MAPRE3: variants seen among roughly 807,000 people sequenced by gnomAD.
MAPRE3 encodes microtubule associated protein RP/EB family member 3.
In MAPRE3, 2 loss-of-function variants were observed where a neutral mutation model predicts 30.5. The observed-to-expected ratio is 0.07, with a 90% confidence interval of 0.03 to 0.21. The LOEUF (loss-of-function observed/expected upper bound fraction) is 0.21. Among genes scored for constraint, MAPRE3 ranks in the 10% least tolerant of loss-of-function variants. The pLI, the probability that MAPRE3 is intolerant of heterozygous loss-of-function variation, is 1.00. For missense variants in MAPRE3, 204 were observed against 351.8 expected, an observed-to-expected ratio of 0.58 and a Z score of 3.36; for synonymous variants, 110 against 127.7, an observed-to-expected ratio of 0.86 and a Z score of 0.93.
intron 1 of MAPRE3, among the ~76,000 whole-genome samples, chr2:26,995,823 G>GTGTGTGTGTGTGTGTGTGTA (rs1200785865): frequency 1.3e-5 from 2 of 150,166 alleles, no homozygotes; most frequent in Non-Finnish European, 3.0e-5. Flanking sequence ...GTGTGTGTGT[G>GTGTGTGTGTGTGTGTGTGTA]TGTGTGTATG....
chr2:27,000,109 A>C (rs1666559403), intron 1 of MAPRE3, among the ~76,000 whole-genome samples: 1 of 152,256 alleles, frequency 6.6e-6, no homozygotes. Flanking sequence ...TGCTAATAAC[A>C]AATTTCCACT....
intron 3 of MAPRE3, 147 bp from the exon 4 acceptor site, chr2:27,023,949 T>A (rs1667170773): frequency 1.6e-6 from 1 of 630,732 alleles, no homozygotes; most frequent in Non-Finnish European, 2.8e-6. Flanking sequence ...CTGTCTGCTC[T>A]GGTGCCGTGG....
intron 1 of MAPRE3, among the ~76,000 whole-genome samples, chr2:26,982,260 A>G (rs1338673382): frequency 6.6e-6 from 1 of 152,120 alleles, no homozygotes; most frequent in Non-Finnish European, 1.5e-5. Flanking sequence ...GATTCACATT[A>G]CTTTCATGCT....
intron 1 of MAPRE3, among the ~76,000 whole-genome samples, chr2:27,020,889 C>G (rs1399600722): frequency 6.6e-6 from 1 of 152,156 alleles, no homozygotes; most frequent in East Asian, 1.9e-4. Flanking sequence ...TAGGAGGCTC[C>G]TGCTAGCCTG....
At chr2:26,975,461 G>T (rs944234180) in intron 1 of MAPRE3, among the ~76,000 whole-genome samples, 3 of 152,140 alleles carry the variant, frequency 2.0e-5, no homozygotes, top group Non-Finnish European at 4.4e-5. Flanking sequence ...AGTAATTAAA[G>T]AACCAGGGCA....
chr2:26,989,037 G>T (rs1319272582), intron 1 of MAPRE3, among the ~76,000 whole-genome samples: 3 of 152,176 alleles, frequency 2.0e-5, no homozygotes, highest in Non-Finnish European at 4.4e-5. Context: ...CATTCTTGCT[G>T]CCCGACAGGT....
chr2:26,975,980 A>G (rs766692962), intron 1 of MAPRE3, among the ~76,000 whole-genome samples: 1 of 152,134 alleles, frequency 6.6e-6, no homozygotes, highest in Non-Finnish European at 1.5e-5. Flanking sequence ...AGTCCCCTCC[A>G]TCTGTTGACC....
chr2:26,981,857 C>T (rs1031764412), intron 1 of MAPRE3, among the ~76,000 whole-genome samples: 1 of 152,224 alleles, frequency 6.6e-6, no homozygotes, highest in Admixed American at 6.5e-5. Context: ...CCAGGCTTGA[C>T]AGTCGACTCT....
At chr2:26,991,666 T>C (rs1666346126) in intron 1 of MAPRE3, among the ~76,000 whole-genome samples, 1 of 152,208 alleles carries the variant, frequency 6.6e-6, no homozygotes, top group South Asian at 2.1e-4. Context: ...TCACACAGTT[T>C]ATCTCCTTTC....
chr2:27,018,781 A>G (rs1558385858), intron 1 of MAPRE3, among the ~76,000 whole-genome samples: 1 of 152,122 alleles, frequency 6.6e-6, no homozygotes, highest in African/African-American at 2.4e-5. Flanking sequence ...CACTCCACCA[A>G]TATGGTTAGG....
intron 1 of MAPRE3, among the ~76,000 whole-genome samples, chr2:27,014,327 T>G (rs1031376538): frequency 2.0e-5 from 3 of 152,160 alleles, no homozygotes; most frequent in Non-Finnish European, 4.4e-5. Context: ...GCTACAGGGA[T>G]GTGGCACCAT....
intron 1 of MAPRE3, among the ~76,000 whole-genome samples, chr2:26,979,932 C>T (rs555287534): frequency 2.6e-5 from 4 of 152,164 alleles, no homozygotes; most frequent in Middle Eastern, 3.4e-3. Flanking sequence ...CTCATAGAAC[C>T]GGAAGCTGAG....
intron 1 of MAPRE3, among the ~76,000 whole-genome samples, chr2:26,976,914 T>C (rs1019633879): frequency 6.6e-6 from 1 of 152,210 alleles, no homozygotes; most frequent in Non-Finnish European, 1.5e-5. Context: ...ACAGAAATAA[T>C]TGTAAAAGAT....
intron 4 of MAPRE3, among the ~76,000 whole-genome samples, chr2:27,025,274 A>G (rs1040481083): frequency 6.6e-6 from 1 of 151,974 alleles, no homozygotes; most frequent in African/African-American, 2.4e-5. Context: ...TACTTCCCCA[A>G]ATTTGCGTCC....
chr2:27,006,058 T>G (rs1001886266), intron 1 of MAPRE3, among the ~76,000 whole-genome samples: 1 of 152,032 alleles, frequency 6.6e-6, no homozygotes, highest in Non-Finnish European at 1.5e-5. Context: ...GGCGGGCGCC[T>G]GTAGTCCCAG....
chr2:26,999,099 CTGAAG>C (rs1241794167), intron 1 of MAPRE3, among the ~76,000 whole-genome samples: 1 of 152,126 alleles, frequency 6.6e-6, no homozygotes, highest in Middle Eastern at 3.4e-3. Context: ...AACAGTCTGA[CTGAAG>C]TGAGGGGCTT....
chr2:26,987,305 A>G (rs1417498819), intron 1 of MAPRE3, among the ~76,000 whole-genome samples: 1 of 152,192 alleles, frequency 6.6e-6, no homozygotes, highest in Non-Finnish European at 1.5e-5. Context: ...ATTAACTCTC[A>G]GCATTAAAAT....
At chr2:27,025,796 G>A (rs1185961779) in intron 5 of MAPRE3, 59 bp downstream of exon 5, 3 of 1,613,638 alleles carry the variant, frequency 1.9e-6, no homozygotes, top group Non-Finnish European at 1.7e-6. Context: ...AGGCCCTTGG[G>A]GTGTCTGCAG....
chr2:26,979,535 A>G (rs971001212), intron 1 of MAPRE3, among the ~76,000 whole-genome samples: 3 of 152,234 alleles, frequency 2.0e-5, no homozygotes. Flanking sequence ...GCAGTGAACT[A>G]TGATCATGCC....
Sources: allele counts gnomAD v4.1 joint callset (sites outside exome capture counted in the v4.1 genomes callset), GRCh38; gene constraint gnomAD v4.1.1; transcripts MANE v1.5; gene names NCBI Gene and HGNC (gene_info 2026-07-23, HGNC 2026-07-21).